C8A: variants seen among roughly 807,000 people sequenced by gnomAD.
C8A encodes the protein complement C8 alpha chain.
In C8A, 67 loss-of-function variants were observed where a neutral mutation model predicts 65.3. The ratio of observed to expected loss-of-function variants is 1.03; its 90% CI spans 0.84 to 1.26. The LOEUF (loss-of-function observed/expected upper bound fraction) is 1.26. Ranked by LOEUF, C8A falls within the 50% of genes most tolerant of loss-of-function variation. The pLI is 0.00. For missense variants in C8A, 781 were observed against 723.9 expected, an observed-to-expected ratio of 1.08 and a Z score of -0.90; for synonymous variants, 290 against 259.4, an observed-to-expected ratio of 1.12 and a Z score of -1.13.
chr1:56,862,325 G>A (rs940509175), intron 1 of C8A, among the ~76,000 whole-genome samples: 1 of 151,430 alleles, frequency 6.6e-6, no homozygotes, highest in Non-Finnish European at 1.5e-5. Context: ...TTTTACATCG[G>A]TGTTTCAACT....
intron 7 of C8A, among the ~76,000 whole-genome samples, chr1:56,897,384 A>C (rs1266890468): frequency 6.6e-6 from 1 of 152,194 alleles, no homozygotes; most frequent in Admixed American, 6.5e-5. Context: ...TGTCGGAAGA[A>C]GTGTCTAAGC....
At chr1:56,885,851 C>T (rs1644295299) in intron 6 of C8A, 76 bp from the exon 7 acceptor site, 3 of 1,601,226 alleles carry the variant, frequency 1.9e-6, no homozygotes, top group Non-Finnish European at 1.7e-6. Context: ...CACCCAGAGA[C>T]CTTTTGCATT....
intron 10 of C8A, among the ~76,000 whole-genome samples, chr1:56,916,899 G>C (rs945690254): frequency 7.9e-5 from 12 of 152,192 alleles, no homozygotes; most frequent in Admixed American, 7.9e-4. Flanking sequence ...ACCCTCTGCG[G>C]CTCCATTGCC....
intron 7 of C8A, among the ~76,000 whole-genome samples, chr1:56,893,667 A>G (rs1447986456): frequency 6.6e-6 from 1 of 152,224 alleles, no homozygotes; most frequent in African/African-American, 2.4e-5. Context: ...TCATGGGCAG[A>G]TAATTTAATC....
chr1:56,875,408 A>G (rs1351586041), intron 3 of C8A, among the ~76,000 whole-genome samples: 3 of 152,136 alleles, frequency 2.0e-5, no homozygotes, highest in Non-Finnish European at 4.4e-5. Flanking sequence ...TAATATAGAC[A>G]TGAAAAAAAT....
intron 4 of C8A, among the ~76,000 whole-genome samples, chr1:56,877,514 C>A (rs1644210188): frequency 1.3e-5 from 2 of 152,146 alleles, no homozygotes; most frequent in African/African-American, 2.4e-5. Context: ...CAGGGCTTAG[C>A]TCAGAATGAC....
rs57975508 is a variant in C8A at position 56,867,761 on chromosome 1, C to T, written c.171+59C>T. On this transcript the variant is annotated intron_variant, in intron 2 of 10. Coordinates refer to ENST00000361249, the MANE Select transcript of C8A (RefSeq NM_000562.3). ...ATATTTGATATGTGTATTAGGCATT[C>T]AAATGGAGATTAAGCAGTCCACTAT... 4,844 of 1,256,376 alleles carry T rather than the reference C, an allele frequency of 3.9e-3. 180 individuals carry two copies. The African/African-American group carries it at 0.064, about 17-fold the overall frequency. The allele number at this position is 1,256,376 out of a possible 1,614,324, so 77.8% of individuals were successfully genotyped here.
intron 4 of C8A, among the ~76,000 whole-genome samples, chr1:56,877,624 C>A (rs1041652723): frequency 6.6e-6 from 1 of 152,152 alleles, no homozygotes; most frequent in Non-Finnish European, 1.5e-5. Flanking sequence ...TCTGACTCAG[C>A]TTTTTCATCT....
chr1:56,893,795 A>G lies in C8A; in HGVS notation c.1096+7628A>G, dbSNP rs886725120. ...GTACCCACATTCCAATAAGCACTCA[A>G]TAAATTTCAATTGCTGAAGTAGGTT... On this transcript the variant is annotated intron_variant, in intron 7 of 10. Transcript: ENST00000361249. Among the ~76,000 whole-genome samples, 3 of 152,322 alleles carry G rather than the reference A, an allele frequency of 2.0e-5. No individual in the cohort carries two copies. In the South Asian group the frequency reaches 6.2e-4, roughly 32 times the overall value.
chr1:56,886,826 C>T (rs944951670), intron 7 of C8A, among the ~76,000 whole-genome samples: 2 of 152,120 alleles, frequency 1.3e-5, no homozygotes, highest in Non-Finnish European at 2.9e-5. Flanking sequence ...CTATTAGCAT[C>T]GACCACATTA....
chr1:56,887,829 T>C lies in C8A; in HGVS notation c.1096+1662T>C, dbSNP rs6675904. Reference sequence around the variant, plus strand: ...CAAAAAAGGATGAGTTCATGTCCTTTGCAGGGACATGGGTGAAACTGGAAA... The same window carrying C: ...CAAAAAAGGATGAGTTCATGTCCTTCGCAGGGACATGGGTGAAACTGGAAA... On this transcript the variant is annotated intron_variant, in intron 7 of 10. Transcript: ENST00000361249. 3.6e-3 allele frequency among the ~76,000 whole-genome samples: 550 copies of C among 152,306 alleles called. 3 individuals are homozygous for C. Among genetic ancestry groups the C allele is most frequent in the African/African-American group, 0.013 (522 of 41,564 alleles).
intron 1 of C8A, among the ~76,000 whole-genome samples, chr1:56,859,158 C>T (rs1443264834): frequency 5.3e-5 from 8 of 152,206 alleles, no homozygotes; most frequent in Non-Finnish European, 1.0e-4. Context: ...CACTTTCTAC[C>T]TACATAACCT....
chr1:56,886,113 G>T lies in C8A; in HGVS notation c.1042G>T (p.Gly348Cys), dbSNP rs1301563402. 2 of 1,614,010 alleles carry T rather than the reference G, an allele frequency of 1.2e-6. No individual in the cohort carries two copies. Among genetic ancestry groups the T allele is most frequent in the East Asian group, 2.2e-5 (1 of 44,858 alleles). ...GTHYITSGSM[G>C]GIYEYILVID... ...CCATTACATCACATCTGGATCCATGGGTGGCATTTATGAATATATCCTGGT... is the reference window on the plus strand; with the variant it reads ...CCATTACATCACATCTGGATCCATGTGTGGCATTTATGAATATATCCTGGT... Residue 348 changes from glycine to cysteine, a missense_variant, in exon 7 of 11, where the codon GGT becomes TGT. Gly to Cys is a radical substitution (Grantham distance 159, BLOSUM62 -3). Coordinates refer to ENST00000361249, the MANE Select transcript of C8A (RefSeq NM_000562.3).
At chr1:56,904,497 G>A (rs1196951479) in intron 7 of C8A, among the ~76,000 whole-genome samples, 2 of 152,136 alleles carry the variant, frequency 1.3e-5, no homozygotes, top group African/African-American at 4.8e-5. Context: ...CGATATGCTG[G>A]GGATGGTACA....
chr1:56,898,863 C>G (rs1644404806), intron 7 of C8A, among the ~76,000 whole-genome samples: 1 of 152,026 alleles, frequency 6.6e-6, no homozygotes, highest in South Asian at 2.1e-4. Flanking sequence ...GGGGTGGTAT[C>G]CTAAAGTTCT....
chr1:56,917,334 C>T (rs1161806295), intron 10 of C8A, among the ~76,000 whole-genome samples: 1 of 152,238 alleles, frequency 6.6e-6, no homozygotes, highest in Non-Finnish European at 1.5e-5. Flanking sequence ...AATAGCCTGA[C>T]TGCCATGGTC....
chr1:56,872,560 G>A (rs1644156506), intron 2 of C8A, among the ~76,000 whole-genome samples: 1 of 152,100 alleles, frequency 6.6e-6, no homozygotes, highest in Non-Finnish European at 1.5e-5. Context: ...GGGAAAAAGG[G>A]TGAACAGTCT....
intron 6 of C8A, among the ~76,000 whole-genome samples, chr1:56,885,625 C>T (rs1246563902): frequency 2.7e-5 from 4 of 147,138 alleles, no homozygotes; most frequent in African/African-American, 7.5e-5. Flanking sequence ...GATCTCGGCT[C>T]ACCGCAACCT....
At chr1:56,863,195 CT>C (rs1218950417) in intron 1 of C8A, among the ~76,000 whole-genome samples, 1 of 152,146 alleles carries the variant, frequency 6.6e-6, no homozygotes. Flanking sequence ...CATTTATGAT[CT>C]TTCTTATGTT....
Sources: gnomAD v4.1 joint callset for allele counts (sites outside exome capture counted in the v4.1 genomes callset) on GRCh38, gnomAD v4.1.1 for gene constraint, MANE v1.5 for transcripts, NCBI Gene and HGNC (gene_info 2026-07-23, HGNC 2026-07-21) for gene names.